DLGAP1: variants seen among roughly 807,000 people sequenced by gnomAD.
DLGAP1 encodes DLG associated protein 1, also known as disks large-associated protein 1.
In DLGAP1, 11 loss-of-function variants were observed where a neutral mutation model predicts 90.8. That is an observed-to-expected ratio of 0.12 (90% CI 0.08 to 0.20). DLGAP1 has a LOEUF of 0.20. DLGAP1 is among the 10% of genes least tolerant of loss of function. The pLI is 1.00. For synonymous variants in DLGAP1, 558 were observed against 540.7 expected (o/e 1.03, Z -0.44); for missense variants, 1,050 against 1,333.8 (o/e 0.79, Z 3.31).
chr18:4,258,328 G>A (rs1052329165), intron 1 of DLGAP1, among the ~76,000 whole-genome samples: 2 of 151,824 alleles, frequency 1.3e-5, no homozygotes, highest in African/African-American at 4.9e-5. Flanking sequence ...ACAGGCTTGA[G>A]CCACCACACC....
In DLGAP1 at chr18:3,843,221, T is replaced by C. The variant is rs1424442767; in HGVS notation, c.958-28948A>G. On this transcript the variant is annotated intron_variant, in intron 4 of 12. Coordinates refer to ENST00000315677, the MANE Select transcript of DLGAP1 (RefSeq NM_004746.4). ...TGTGAGTTTGTAAATAACACATGCCTTGCATTTGGCATTGCTAAAAATACC... is the reference window on the plus strand; with the variant it reads ...TGTGAGTTTGTAAATAACACATGCCCTGCATTTGGCATTGCTAAAAATACC... Among the ~76,000 whole-genome samples, 3 of 152,226 alleles carry C rather than the reference T, an allele frequency of 2.0e-5. No individual in the cohort carries two copies. In the East Asian group the frequency reaches 5.8e-4, roughly 29 times the overall value.
chr18:4,449,528 T>G (rs2083764375), intron 1 of DLGAP1, among the ~76,000 whole-genome samples: 1 of 152,198 alleles, frequency 6.6e-6, no homozygotes, highest in Admixed American at 6.5e-5. Flanking sequence ...GCACTAAGAA[T>G]ACAGATGTGC....
chr18:4,131,190 A>ACGTGTG (rs1485978763), intron 2 of DLGAP1, among the ~76,000 whole-genome samples: 2 of 148,402 alleles, frequency 1.3e-5, no homozygotes, highest in African/African-American at 5.3e-5. Flanking sequence ...CAGGAAAAAA[A>ACGTGTG]CGTGGGCGTG....
chr18:3,910,804 T>C (rs566824463), intron 3 of DLGAP1, among the ~76,000 whole-genome samples: 1 of 152,198 alleles, frequency 6.6e-6, no homozygotes, highest in South Asian at 2.1e-4. Context: ...TTTCTAAATA[T>C]ATAAAAATAT....
At chr18:4,255,235 G>C (rs1370362773) in intron 1 of DLGAP1, among the ~76,000 whole-genome samples, 1 of 152,144 alleles carries the variant, frequency 6.6e-6, no homozygotes, top group African/African-American at 2.4e-5. Context: ...AGAAGCAGAG[G>C]TGGAAACAAG....
intron 1 of DLGAP1, among the ~76,000 whole-genome samples, chr18:4,156,172 C>T (rs539793435): frequency 9.5e-4 from 145 of 152,314 alleles, no homozygotes; most frequent in African/African-American, 1.7e-3. Flanking sequence ...AAAGCTGATA[C>T]GTTCAGTCTG....
rs565039094 is a variant in DLGAP1, at chr18:3,704,989, A to G, written c.1591+24146T>C. ...AATGAGAAAAGTCAGCATTTATAAC[A>G]CTATATTTGGGGATTCCAGAATTGG... On this transcript the variant is annotated intron_variant, in intron 7 of 12. Transcript: ENST00000315677. Among the ~76,000 whole-genome samples the G allele has an allele frequency of 5.3e-4, 80 of 152,340 alleles. 1 individual carries two copies. Among genetic ancestry groups the G allele is most frequent in the African/African-American group, 1.9e-3 (79 of 41,582 alleles).
At chr18:3,503,719 A>G (rs544130539) in intron 11 of DLGAP1, among the ~76,000 whole-genome samples, 2 of 152,378 alleles carry the variant, frequency 1.3e-5, no homozygotes, top group South Asian at 4.1e-4. Flanking sequence ...GGAAAGTACA[A>G]GGTTGAAGAC....
chr18:3,727,871 C>T lies in DLGAP1; in HGVS notation c.1591+1264G>A, dbSNP rs1353649344. ...AGCCAGGGTCTGAGCTGCTGGGCTC[C>T]CTGCTGAGCTGCTTGGCCAACGCAA... On this transcript the variant is annotated intron_variant, in intron 7 of 12. Transcript: ENST00000315677. The surrounding 1 kb of genome is among the most constrained non-coding windows in gnomAD (Gnocchi z 4.7). 2.0e-5 allele frequency: 3 copies of T among 152,072 alleles called. No homozygotes were observed. Among genetic ancestry groups the T allele is most frequent in the Non-Finnish European group, 4.4e-5 (3 of 68,024 alleles). The allele number at this position is 152,072 out of a possible 1,614,324, so 9.4% of individuals were successfully genotyped here.
chr18:4,388,710 T>C (rs984048122), intron 1 of DLGAP1, among the ~76,000 whole-genome samples: 6 of 152,326 alleles, frequency 3.9e-5, no homozygotes, highest in Non-Finnish European at 8.8e-5. Flanking sequence ...CCGCTGGCTA[T>C]TACTTACAGC....
intron 3 of DLGAP1, chr18:3,978,077 C>G: frequency 2.6e-6 from 1 of 390,114 alleles, no homozygotes; most frequent in Admixed American, 3.3e-5. Flanking sequence ...CCACAGTTTT[C>G]TGGGTGGCAG....
chr18:3,602,768 A>C (rs1006150662), intron 7 of DLGAP1, among the ~76,000 whole-genome samples: 2 of 152,170 alleles, frequency 1.3e-5, no homozygotes, highest in African/African-American at 2.4e-5. Context: ...GATACAAGCA[A>C]TACGATTTTA....
At chr18:3,591,805 C>A (rs1275000841) in intron 7 of DLGAP1, among the ~76,000 whole-genome samples, 1 of 151,958 alleles carries the variant, frequency 6.6e-6, no homozygotes, top group Non-Finnish European at 1.5e-5. Context: ...ATAGCATGGG[C>A]CTGTTTTGTA....
Position 3,623,440 on chromosome 18 carries a change from C to T in DLGAP1, c.1592-41192G>A, listed in dbSNP as rs377418417. Among the ~76,000 whole-genome samples the T allele has an allele frequency of 1.3e-4, 20 of 152,266 alleles. 1 individual carries two copies. Among genetic ancestry groups the T allele is most frequent in the African/African-American group, 2.2e-4 (9 of 41,556 alleles). On this transcript the variant is annotated intron_variant, in intron 7 of 12. Transcript: ENST00000315677. ...ATTCACCTACACAAGGGATTCAGTC[C>T]GTCTTAGGTTCTGCTAATGACAACT...
chr18:3,878,899 C>T (rs552667571), intron 4 of DLGAP1, among the ~76,000 whole-genome samples: 2 of 152,256 alleles, frequency 1.3e-5, no homozygotes, highest in South Asian at 4.1e-4. Context: ...ACTTGGATAT[C>T]TAGTGTCTTA....
chr18:3,538,913 A>G (rs1308930036), intron 9 of DLGAP1, among the ~76,000 whole-genome samples: 1 of 152,242 alleles, frequency 6.6e-6, no homozygotes, highest in Non-Finnish European at 1.5e-5. Flanking sequence ...CAAAGGATCC[A>G]CCTTCTTAGA....
At chr18:4,302,657 T>G (rs959582595) in intron 1 of DLGAP1, among the ~76,000 whole-genome samples, 2 of 152,182 alleles carry the variant, frequency 1.3e-5, no homozygotes, top group African/African-American at 4.8e-5. Flanking sequence ...GTGTGATACA[T>G]CCAGCTTTGT....
chr18:4,394,538 A>G (rs377089661), intron 1 of DLGAP1, among the ~76,000 whole-genome samples: 3 of 152,158 alleles, frequency 2.0e-5, no homozygotes, highest in African/African-American at 7.2e-5. Flanking sequence ...GGGGGAAAAA[A>G]TCCCCAAAAT....
At chr18:4,090,167 T>C (rs1378390835) in intron 2 of DLGAP1, among the ~76,000 whole-genome samples, 1 of 152,186 alleles carries the variant, frequency 6.6e-6, no homozygotes, top group Non-Finnish European at 1.5e-5. Context: ...TAGGCAATAC[T>C]ATTCAGGACA....
Sources: gnomAD v4.1 joint callset for allele counts (sites outside exome capture counted in the v4.1 genomes callset) on GRCh38, gnomAD v4.1.1 for gene constraint, Gnocchi (gnomAD v3.1) non-coding constraint, MANE v1.5 for transcripts, NCBI Gene and HGNC (gene_info 2026-07-23, HGNC 2026-07-21) for gene names.